Variants in PCSK2 observed in about 807,000 individuals in gnomAD.
The protein encoded by PCSK2 is proprotein convertase subtilisin/kexin type 2, also known as neuroendocrine convertase 2.
Under a neutral mutation model 69.7 loss-of-function variants are expected in PCSK2, and 14 were observed. The ratio of observed to expected loss-of-function variants is 0.20; its 90% CI spans 0.13 to 0.31. The LOEUF (loss-of-function observed/expected upper bound fraction) is 0.31, where lower values mean the gene tolerates loss of function less well. PCSK2 is among the 10% of genes least tolerant of loss of function. The pLI is 1.00. For missense variants in PCSK2, 544 were observed against 842.5 expected (o/e 0.65, Z 4.39); for synonymous variants, 307 against 320.7 (o/e 0.96, Z 0.46).
At chr20:17,344,742 A>G (rs1016114933) in intron 2 of PCSK2, among the ~76,000 whole-genome samples, 2 of 152,096 alleles carry the variant, frequency 1.3e-5, no homozygotes, top group African/African-American at 4.8e-5. Context: ...CATGCCAAGC[A>G]TAAAAAATGT....
chr20:17,481,048 A>G (rs920538500), intron 11 of PCSK2, among the ~76,000 whole-genome samples: 3 of 152,106 alleles, frequency 2.0e-5, no homozygotes, highest in Non-Finnish European at 2.9e-5. Flanking sequence ...CACAGCATCT[A>G]CTACATTCTC....
At chr20:17,438,212 A>T (rs907799426) in intron 8 of PCSK2, among the ~76,000 whole-genome samples, 1 of 152,178 alleles carries the variant, frequency 6.6e-6, no homozygotes, top group African/African-American at 2.4e-5. Context: ...TGGCTATAGA[A>T]ACCAGCACTA....
At chr20:17,256,556 G>A (rs2122989005) in intron 1 of PCSK2, among the ~76,000 whole-genome samples, 2 of 151,542 alleles carry the variant, frequency 1.3e-5, no homozygotes, top group East Asian at 3.9e-4. Flanking sequence ...GTTGTTTGTT[G>A]TTGTTTCTAG....
At chr20:17,271,311 T>A (rs930606363) in intron 2 of PCSK2, among the ~76,000 whole-genome samples, 1 of 152,064 alleles carries the variant, frequency 6.6e-6, no homozygotes, top group Non-Finnish European at 1.5e-5. Context: ...AGATAATAGC[T>A]CCTCTATCAT....
chr20:17,414,928 C>A (rs182218522), intron 6 of PCSK2, among the ~76,000 whole-genome samples: 177 of 152,300 alleles, frequency 1.2e-3, no homozygotes, highest in African/African-American at 4.2e-3. Flanking sequence ...GAACCAATGA[C>A]AAAAACCACA....
At chr20:17,298,724 G>T (rs73251705) in intron 2 of PCSK2, among the ~76,000 whole-genome samples, 274 of 151,822 alleles carry the variant, frequency 1.8e-3, no homozygotes, top group African/African-American at 6.3e-3. Context: ...AGACTCTATA[G>T]AAAGGAGGAA....
Position 17,453,726 on chromosome 20 carries a change from C to A in PCSK2, c.886-16C>A. On this transcript the variant is annotated splice_polypyrimidine_tract_variant and intron_variant, in intron 8 of 11. Coordinates refer to ENST00000262545, the MANE Select transcript of PCSK2 (RefSeq NM_002594.5). This position sits in a 1 kb window ranked among gnomAD's most constrained non-coding sequence, Gnocchi z 4.0. ...CAGGCTGTGGGTAGCGGCAGCGTCTCCCCTGCTCTCCCCAGGGCCGCGGCG... is the reference window on the plus strand; with the variant it reads ...CAGGCTGTGGGTAGCGGCAGCGTCTACCCTGCTCTCCCCAGGGCCGCGGCG... 9 of 1,611,476 alleles carry A rather than the reference C, an allele frequency of 5.6e-6. No homozygotes were observed. Among genetic ancestry groups the A allele is most frequent in the Non-Finnish European group, 7.6e-6 (9 of 1,179,716 alleles).
chr20:17,244,239 C>A (rs923979362), intron 1 of PCSK2, among the ~76,000 whole-genome samples: 5 of 152,192 alleles, frequency 3.3e-5, no homozygotes, highest in Non-Finnish European at 4.4e-5. Context: ...ATTCTTGCAA[C>A]TTTTCCATAA....
In PCSK2 at chr20:17,409,301, C is replaced by G. The variant is rs762925039; in HGVS notation, c.582C>G (p.Pro194=). The G allele has an allele frequency of 6.2e-7, 1 of 1,614,040 alleles. No homozygotes were observed. Among genetic ancestry groups the G allele is most frequent in the East Asian group, 2.2e-5 (1 of 44,878 alleles). ...EASYDFSSND[P]YPYPRYTDDW... ...GTTACGACTTCAGCAGCAACGACCC[C>G]TATCCTTACCCTCGGTACACAGATG... The change falls in exon 6 of 12, where the codon CCC becomes CCG. Residue 194 remains proline, a synonymous_variant. Coordinates refer to ENST00000262545, the MANE Select transcript of PCSK2 (RefSeq NM_002594.5).
chr20:17,431,824 C>T (rs2032373631), intron 7 of PCSK2, among the ~76,000 whole-genome samples: 1 of 152,252 alleles, frequency 6.6e-6, no homozygotes, highest in African/African-American at 2.4e-5. Flanking sequence ...TTCATCCTGG[C>T]TGGCAATTCC....
chr20:17,302,615 C>T (rs529323160), intron 2 of PCSK2, among the ~76,000 whole-genome samples: 3 of 152,124 alleles, frequency 2.0e-5, no homozygotes, highest in Non-Finnish European at 4.4e-5. Flanking sequence ...CTTCCTTTAC[C>T]TCAAGAAACA....
upstream of PCSK2, chr20:17,226,149 G>T (rs1407012452): frequency 1.3e-5 from 2 of 152,180 alleles, no homozygotes; most frequent in African/African-American, 4.8e-5. Context: ...ACGTCCCCAG[G>T]TCTGAGAATG....
intron 2 of PCSK2, among the ~76,000 whole-genome samples, chr20:17,357,800 A>G (rs922194477): frequency 6.6e-5 from 10 of 152,044 alleles, no homozygotes; most frequent in Non-Finnish European, 1.3e-4. Flanking sequence ...AGCCTGAGGA[A>G]GGAGAATCGC....
intron 5 of PCSK2, among the ~76,000 whole-genome samples, chr20:17,405,038 C>G (rs1266318592): frequency 6.6e-6 from 1 of 152,206 alleles, no homozygotes; most frequent in Non-Finnish European, 1.5e-5. Flanking sequence ...GAGGACACAA[C>G]AGGAGAAGTC....
At position 17,361,453 on chromosome 20, in the gene PCSK2, G is replaced by A. The variant is rs538281654; in HGVS notation, c.505+813G>A. ...CCTGCCAAGATTGTGGAGAATTGCC[G>A]CCTGTGGTCGTTTCACTGGGGATGT... On this transcript the variant is annotated intron_variant, in intron 4 of 11. Transcript: ENST00000262545. 1.5e-4 allele frequency among the ~76,000 whole-genome samples: 23 copies of A among 152,300 alleles called. 1 individual carries two copies. Among genetic ancestry groups the A allele is most frequent in the Middle Eastern group, 3.4e-3 (1 of 292 alleles).
intron 2 of PCSK2, among the ~76,000 whole-genome samples, chr20:17,335,999 T>C (rs574135085): frequency 7.2e-5 from 11 of 152,202 alleles, no homozygotes; most frequent in African/African-American, 2.6e-4. Flanking sequence ...TATTTCATGA[T>C]AAATCAGTGG....
At chr20:17,241,686 C>T (rs753147352) in intron 1 of PCSK2, among the ~76,000 whole-genome samples, 9 of 152,266 alleles carry the variant, frequency 5.9e-5, no homozygotes, top group South Asian at 2.1e-4. Context: ...TCACACTGAA[C>T]GGCTGGTAGA....
intron 6 of PCSK2, among the ~76,000 whole-genome samples, chr20:17,416,653 C>G (rs1052430712): frequency 2.6e-5 from 4 of 152,052 alleles, no homozygotes; most frequent in African/African-American, 9.7e-5. Flanking sequence ...ATCATTTGAC[C>G]CAGCAATCCA....
At chr20:17,325,629 T>C (rs1183538373) in intron 2 of PCSK2, among the ~76,000 whole-genome samples, 2 of 152,216 alleles carry the variant, frequency 1.3e-5, no homozygotes, top group Non-Finnish European at 1.5e-5. Context: ...ACAACAATCA[T>C]TGGTTATTGT....
Sources: gnomAD v4.1 joint callset for allele counts (sites outside exome capture counted in the v4.1 genomes callset) on GRCh38, gnomAD v4.1.1 for gene constraint, Gnocchi (gnomAD v3.1) non-coding constraint, MANE v1.5 for transcripts, NCBI Gene and HGNC (gene_info 2026-07-23, HGNC 2026-07-21) for gene names.